Variants in NPNT observed in about 807,000 individuals in gnomAD.
NPNT encodes preosteoblast EGF-like repeat protein with MAM domain.
NPNT carries 45 observed loss-of-function variants against 68.6 expected under a neutral mutation model. That is an observed-to-expected ratio of 0.66 (90% CI 0.52 to 0.84). The LOEUF is 0.84. NPNT is among the 40% of genes least tolerant of loss of function. The pLI is 0.00. For synonymous variants in NPNT, 233 were observed against 253.3 expected (o/e 0.92, Z 0.76); for missense variants, 672 against 714.8 (o/e 0.94, Z 0.68).
At chr4:105,899,567 G>T (rs1726229991) in intron 2 of NPNT, among the ~76,000 whole-genome samples, 1 of 152,114 alleles carries the variant, frequency 6.6e-6, no homozygotes, top group African/African-American at 2.4e-5. Flanking sequence ...GAATGTAATT[G>T]ACCCCCCGTG....
intron 3 of NPNT, among the ~76,000 whole-genome samples, chr4:105,931,335 A>G (rs1273507810): frequency 6.6e-6 from 1 of 152,170 alleles, no homozygotes; most frequent in Non-Finnish European, 1.5e-5. Flanking sequence ...GTCAATTCCT[A>G]ATGTTTTAGC....
At position 105,970,507 on chromosome 4, in the gene NPNT, A is replaced by T. The variant is rs1175879483; in HGVS notation, c.*1517A>T. 1.4e-6 allele frequency: 1 copy of T among 689,702 alleles called. No homozygotes were observed. Among genetic ancestry groups the T allele is most frequent in the Non-Finnish European group, 2.7e-6 (1 of 375,738 alleles). The allele number at this position is 689,702 out of a possible 1,614,324, so 42.7% of individuals were successfully genotyped here. On this transcript the variant is annotated 3_prime_UTR_variant, in exon 12 of 12. Transcript: ENST00000379987. The stretch of plus-strand genomic sequence containing the variant: ...CAAACCATTGATGGTTTTCAAGTAT[A>T]TGAAGGGTTGGCACAGAGAGGGTGG...
chr4:105,968,984 A>T lies in NPNT; in HGVS notation c.1692A>T (p.Glu564Asp). ...TGAAAAAAGGCCACTGCTCTGAAGA[A>T]CGCTAACAACTCCAGAACTAACAAT... ...VSLKKGHCSE[E>D]R Residue 564 changes from glutamate to aspartate, a missense_variant, in exon 12 of 12, where the codon GAA becomes GAT. Coordinates refer to ENST00000379987, the MANE Select transcript of NPNT (RefSeq NM_001033047.3). 6.3e-7 allele frequency: 1 copy of T among 1,594,144 alleles called. No homozygotes were observed.
At chr4:105,931,884 C>A (rs2149360812) in intron 3 of NPNT, among the ~76,000 whole-genome samples, 1 of 152,186 alleles carries the variant, frequency 6.6e-6, no homozygotes, top group East Asian at 1.9e-4. Context: ...AACCAATGTT[C>A]ATTTGATTTG....
chr4:105,969,158 C>T lies in NPNT; in HGVS notation c.*168C>T, dbSNP rs1037789381. The T allele has an allele frequency of 2.9e-5, 16 of 553,738 alleles. No homozygotes were observed. Among genetic ancestry groups the T allele is most frequent in the African/African-American group, 2.3e-4 (12 of 53,154 alleles). 34.3% of individuals were successfully genotyped at this position (553,738 alleles called of 1,614,324 possible). ...TTTTCTGGCCTGCTTTTGTGCAATC[C>T]CAATGAACAGTGATACCCTCCTTGA... is the stretch of plus-strand genomic sequence containing the variant. On this transcript the variant is annotated 3_prime_UTR_variant, in exon 12 of 12. Transcript: ENST00000379987.
intron 8 of NPNT, among the ~76,000 whole-genome samples, chr4:105,957,163 C>G (rs145373185): frequency 8.3e-4 from 127 of 152,128 alleles, no homozygotes; most frequent in Non-Finnish European, 1.5e-3. Flanking sequence ...TTCCCCTCAC[C>G]ACCATGAACA....
chr4:105,945,992 T>C (rs1730354215), intron 8 of NPNT, among the ~76,000 whole-genome samples: 1 of 152,232 alleles, frequency 6.6e-6, no homozygotes, highest in Admixed American at 6.5e-5. Context: ...TAGTTATCTC[T>C]AGAAAGTATA....
At chr4:105,967,548 G>T (rs1213309206) in intron 11 of NPNT, 104 bp downstream of exon 11, 4 of 1,245,404 alleles carry the variant, frequency 3.2e-6, no homozygotes, top group Non-Finnish European at 4.3e-6. Context: ...TTCAGGCTCA[G>T]ATAAAGGTTT....
chr4:105,966,661 C>A (rs149881570), intron 10 of NPNT, among the ~76,000 whole-genome samples: 3 of 150,732 alleles, frequency 2.0e-5, no homozygotes, highest in African/African-American at 7.4e-5. Context: ...AGAACCTTTA[C>A]GTTTAGAGAT....
At chr4:105,963,735 A>G (rs547228589) in intron 10 of NPNT, among the ~76,000 whole-genome samples, 32 of 151,148 alleles carry the variant, frequency 2.1e-4, no homozygotes, top group Non-Finnish European at 3.5e-4. Flanking sequence ...GATAGCTACA[A>G]GGAATTTGCT....
chr4:105,958,335 A>G, intron 8 of NPNT, 136 bp from the exon 9 acceptor site: 1 of 467,774 alleles, frequency 2.1e-6, no homozygotes, highest in Non-Finnish European at 3.9e-6. Flanking sequence ...CATGTGATAT[A>G]TAATTAAATA....
intron 2 of NPNT, among the ~76,000 whole-genome samples, chr4:105,923,115 TAAGG>T (rs1351843385): frequency 2.0e-5 from 3 of 152,174 alleles, no homozygotes; most frequent in Non-Finnish European, 2.9e-5. Context: ...ATTTTTTTGA[TAAGG>T]AAGGGATGAC....
At position 105,955,699 on chromosome 4, in the gene NPNT, T is replaced by G. The variant is rs553912701; in HGVS notation, c.1160-2772T>G. On this transcript the variant is annotated intron_variant, in intron 8 of 11. Transcript: ENST00000379987. ...TTATCCCTCTTTAGTCCTTTTTTTT[T>G]GGTTTGTTTTTCTTGTACATGATTG... Among the ~76,000 whole-genome samples the G allele has an allele frequency of 4.0e-5, 6 of 151,858 alleles. No homozygotes were observed. In the South Asian group the frequency reaches 8.3e-4, roughly 21 times the overall value.
In NPNT at chr4:105,908,728, T is replaced by C. The variant is rs545728190; in HGVS notation, c.172+10727T>C. On this transcript the variant is annotated intron_variant, in intron 2 of 11. Transcript: ENST00000379987. ...ATAGGCACCCGCCCACCACACCAAC[T>C]AATTTTTTGTATTTTTAGCAGAGAC... Among the ~76,000 whole-genome samples, 9 of 152,070 alleles carry C rather than the reference T, an allele frequency of 5.9e-5. No homozygotes were observed. In the South Asian group the frequency reaches 1.9e-3, roughly 32 times the overall value.
Position 105,958,434 on chromosome 4 carries a change from C to T in NPNT, c.1160-37C>T, listed in dbSNP as rs1282579418. 7 of 1,254,840 alleles carry T rather than the reference C, an allele frequency of 5.6e-6. No homozygotes were observed. The Middle Eastern group carries it at 7.5e-4, about 134-fold the overall frequency. 77.7% of individuals were successfully genotyped at this position (1,254,840 alleles called of 1,614,324 possible). On this transcript the variant is annotated intron_variant, in intron 8 of 11. Transcript: ENST00000379987. Reference sequence around the variant, plus strand: ...TGCCTCTTTATCAATACTTCACACACACACACACACAAAAACTCAAAACCT... The same window carrying T: ...TGCCTCTTTATCAATACTTCACACATACACACACACAAAAACTCAAAACCT...
At chr4:105,898,328 G>GTC (rs66945682) in intron 2 of NPNT, among the ~76,000 whole-genome samples, 2,668 of 53,826 alleles carry the variant, frequency 0.05, 209 homozygotes, top group East Asian at 0.11. Context: ...CTCTCTCTCT[G>GTC]TCTCTCTCTC....
At chr4:105,907,899 G>A (rs561201960) in intron 2 of NPNT, among the ~76,000 whole-genome samples, 74 of 151,990 alleles carry the variant, frequency 4.9e-4, no homozygotes, top group African/African-American at 1.7e-3. Flanking sequence ...TTCTAATAAA[G>A]CCAGAATGAA....
chr4:105,956,650 G>A (rs534337784), intron 8 of NPNT, among the ~76,000 whole-genome samples: 10 of 152,274 alleles, frequency 6.6e-5, no homozygotes, highest in Admixed American at 2.0e-4. Context: ...AAGAAAGCAC[G>A]CTTGTCTACA....
intron 2 of NPNT, among the ~76,000 whole-genome samples, chr4:105,919,014 A>G (rs531766511): frequency 6.6e-6 from 1 of 152,280 alleles, no homozygotes; most frequent in South Asian, 2.1e-4. Flanking sequence ...CTGGGATCCC[A>G]GCAGTCTAAC....
Sources: gnomAD v4.1 joint callset for allele counts (sites outside exome capture counted in the v4.1 genomes callset) on GRCh38, gnomAD v4.1.1 for gene constraint, MANE v1.5 for transcripts, NCBI Gene and HGNC (gene_info 2026-07-23, HGNC 2026-07-21) for gene names.